PDE1C: variants seen among roughly 807,000 people sequenced by gnomAD.
The protein encoded by PDE1C is dual specificity calcium/calmodulin-dependent 3',5'-cyclic nucleotide phosphodiesterase 1C.
PDE1C carries 62 observed loss-of-function variants against 93.1 expected under a neutral mutation model. The observed-to-expected ratio is 0.67, with a 90% CI of 0.54 to 0.82. PDE1C has a LOEUF of 0.82. Ranked by LOEUF, PDE1C falls within the 40% of genes least tolerant of loss-of-function variation. The probability of loss-of-function intolerance (pLI) is 0.00; values close to 1 mark genes in which losing one functional copy is unlikely to be tolerated. For missense variants in PDE1C, 742 were observed against 884.6 expected (o/e 0.84, Z 2.04); for synonymous variants, 325 against 310.1 (o/e 1.05, Z -0.50).
At chr7:32,394,214 A>C (rs771860150) in intron 1 of PDE1C, among the ~76,000 whole-genome samples, 54 of 152,260 alleles carry the variant, frequency 3.5e-4, no homozygotes, top group Non-Finnish European at 7.6e-4. Flanking sequence ...GTTTCTTCAA[A>C]CAATACAGGA....
chr7:31,753,443 C>T lies in PDE1C; in HGVS notation c.2071G>A (p.Asp691Asn), dbSNP rs778260273. The change falls in exon 18 of 18, where the codon GAT becomes AAT. Residue 691 changes from aspartate to asparagine, a missense_variant. Physicochemically the swap from Asp to Asn is conservative, Grantham distance 23 (BLOSUM62 1). Coordinates refer to ENST00000396191, the MANE Select transcript of PDE1C (RefSeq NM_001191057.4). ...ATCTTTTTCATTTTGATCCTCTGATCCAGCATCTTGTACCTTGCAGGATGC... is the reference window on the plus strand; with the variant it reads ...ATCTTTTTCATTTTGATCCTCTGATTCAGCATCTTGTACCTTGCAGGATGC... ...DEHPARYKML[D>N]QRIKMKKIQN... 7.6e-5 allele frequency: 122 copies of T among 1,612,504 alleles called. No homozygotes were observed. The South Asian group carries it at 1.3e-3, about 17-fold the overall frequency.
Position 31,775,739 on chromosome 7 carries a change from A to C in PDE1C, c.1892-7T>G. On this transcript the variant is annotated splice_polypyrimidine_tract_variant and splice_region_variant and intron_variant, in intron 16 of 17. Transcript: ENST00000396191. ...TGAGAACGCTGTTTTGTGCCTGTGA[A>C]GAGGAAAAAGAGGATAAGGAAAAGT... The C allele has an allele frequency of 6.2e-7, 1 of 1,610,734 alleles. No homozygotes were observed. The highest frequency in any genetic ancestry group is 8.5e-7 in the Non-Finnish European group (1 of 1,178,034).
chr7:32,056,368 AACAC>A (rs375602478), intron 1 of PDE1C, among the ~76,000 whole-genome samples: 7,169 of 119,230 alleles, frequency 0.06, 225 homozygotes, highest in Middle Eastern at 0.12. Flanking sequence ...CTCTCACTGA[AACAC>A]ACACACACAC....
the PDE1C span, among the ~76,000 whole-genome samples, chr7:31,706,115 C>G: frequency 1.4e-5 from 2 of 139,400 alleles, no homozygotes; most frequent in Non-Finnish European, 3.0e-5. Flanking sequence ...AGGGATTCTT[C>G]TGTCTCAGCC....
intron 1 of PDE1C, among the ~76,000 whole-genome samples, chr7:32,210,051 A>G: frequency 6.6e-6 from 1 of 152,246 alleles, no homozygotes; most frequent in East Asian, 1.9e-4. Context: ...GATGCTAACA[A>G]ACAGGGAAGT....
At chr7:32,399,254 T>G (rs891453167) in intron 1 of PDE1C, among the ~76,000 whole-genome samples, 1 of 152,234 alleles carries the variant, frequency 6.6e-6, no homozygotes. Context: ...GAATAAATTC[T>G]TAGATTTAGA....
chr7:31,868,598 G>T (rs559076701), intron 6 of PDE1C, among the ~76,000 whole-genome samples: 1 of 152,190 alleles, frequency 6.6e-6, no homozygotes, highest in East Asian at 1.9e-4. Context: ...CAAAAGCAAA[G>T]AGGAAACAAA....
intron 3 of PDE1C, among the ~76,000 whole-genome samples, chr7:32,167,880 G>A (rs780366457): frequency 9.9e-5 from 15 of 152,102 alleles, no homozygotes; most frequent in Non-Finnish European, 4.4e-5. Context: ...ATTATGCTCT[G>A]ATTTATTCAT....
intron 2 of PDE1C, among the ~76,000 whole-genome samples, chr7:31,896,554 CAGGCACTG>C (rs1389032067): frequency 2.0e-5 from 3 of 152,128 alleles, no homozygotes; most frequent in Non-Finnish European, 4.4e-5. Context: ...AGCCAGTCAG[CAGGCACTG>C]ATAAAGAGAT....
chr7:32,251,003 C>G (rs1349545219), intron 1 of PDE1C, among the ~76,000 whole-genome samples: 1 of 152,222 alleles, frequency 6.6e-6, no homozygotes, highest in East Asian at 1.9e-4. Flanking sequence ...GTCAGGAGCT[C>G]TAGTGAAGCA....
At chr7:32,285,760 G>C (rs763100469) in intron 1 of PDE1C, among the ~76,000 whole-genome samples, 4 of 145,372 alleles carry the variant, frequency 2.8e-5, no homozygotes, top group South Asian at 2.4e-4. Context: ...AGAAGAGAGG[G>C]GGGAGAGAGG....
intron 2 of PDE1C, among the ~76,000 whole-genome samples, chr7:31,912,431 A>G (rs1413722165): frequency 6.6e-6 from 1 of 152,114 alleles, no homozygotes; most frequent in Non-Finnish European, 1.5e-5. Flanking sequence ...CATGCCTATA[A>G]TCCCAGTACT....
At chr7:31,794,751 C>T (rs925356832) in intron 16 of PDE1C, among the ~76,000 whole-genome samples, 1 of 151,896 alleles carries the variant, frequency 6.6e-6, no homozygotes, top group Admixed American at 6.6e-5. Context: ...GAGTTAAGCA[C>T]CCTTGTCTGC....
chr7:32,337,825 T>C (rs2128078948), intron 1 of PDE1C, among the ~76,000 whole-genome samples: 1 of 152,144 alleles, frequency 6.6e-6, no homozygotes, highest in African/African-American at 2.4e-5. Flanking sequence ...AGATGAAGGC[T>C]AGTCATTGAA....
At chr7:32,043,104 A>G (rs1168197389) in intron 2 of PDE1C, among the ~76,000 whole-genome samples, 1 of 152,164 alleles carries the variant, frequency 6.6e-6, no homozygotes, top group Non-Finnish European at 1.5e-5. Context: ...TGTTACTGGC[A>G]TCTAGTGGGC....
At chr7:32,297,820 C>T (rs558709874) in intron 1 of PDE1C, among the ~76,000 whole-genome samples, 96 of 152,124 alleles carry the variant, frequency 6.3e-4, no homozygotes, top group African/African-American at 2.3e-3. Context: ...ACATATGATC[C>T]CCCCTCCCTG....
chr7:32,172,249 C>G (rs1307855198), intron 2 of PDE1C, among the ~76,000 whole-genome samples: 1 of 151,868 alleles, frequency 6.6e-6, no homozygotes, highest in African/African-American at 2.4e-5. Flanking sequence ...GTTGAGTGAA[C>G]AGGCAACCTA....
chr7:31,697,162 G>A, the PDE1C span: 9 of 1,599,464 alleles, frequency 5.6e-6, no homozygotes, highest in East Asian at 1.8e-4. Flanking sequence ...GATGGGGACA[G>A]GTCAAGAACC....
chr7:31,868,309 C>T (rs1795536937), intron 6 of PDE1C, among the ~76,000 whole-genome samples: 1 of 151,856 alleles, frequency 6.6e-6, no homozygotes, highest in Admixed American at 6.6e-5. Flanking sequence ...ATCAAGAAAA[C>T]AATTCAGGAT....
Sources: allele counts gnomAD v4.1 joint callset (sites outside exome capture counted in the v4.1 genomes callset), GRCh38; gene constraint gnomAD v4.1.1; transcripts MANE v1.5; gene names NCBI Gene and HGNC (gene_info 2026-07-23, HGNC 2026-07-21).